Variants in MCU observed in about 807,000 individuals in gnomAD.
The protein encoded by MCU is mitochondrial calcium uniporter, also known as calcium uniporter protein, mitochondrial.
Under a neutral mutation model 45.2 loss-of-function variants are expected in MCU, and 12 were observed. The observed-to-expected ratio is 0.27, with a 90% CI of 0.17 to 0.43. The LOEUF (loss-of-function observed/expected upper bound fraction) is 0.43, where lower values mean the gene tolerates loss of function less well. Among genes scored for constraint, MCU ranks in the 20% least tolerant of loss-of-function variants. MCU has a pLI of 1.00. For missense variants in MCU, 324 were observed against 436.7 expected (o/e 0.74, Z 2.30); for synonymous variants, 160 against 165.1 (o/e 0.97, Z 0.24).
intron 1 of MCU, among the ~76,000 whole-genome samples, chr10:72,775,498 A>C (rs961351576): frequency 2.0e-5 from 3 of 152,132 alleles, no homozygotes; most frequent in Non-Finnish European, 4.4e-5. Context: ...AGACCAAACC[A>C]AACCCAAAAT....
chr10:72,717,770 G>T (rs1842972549), intron 1 of MCU, among the ~76,000 whole-genome samples: 1 of 152,194 alleles, frequency 6.6e-6, no homozygotes, highest in Non-Finnish European at 1.5e-5. Context: ...GTGGGTATGT[G>T]TGTCTAACAG....
intron 1 of MCU, among the ~76,000 whole-genome samples, chr10:72,821,805 GC>G (rs1297949028): frequency 2.0e-5 from 3 of 152,114 alleles, no homozygotes; most frequent in African/African-American, 7.2e-5. Context: ...CAGGGTTCTT[GC>G]TTTTTTCAAG....
rs972935652 is a variant in MCU, at chr10:72,693,162, ACT to A, written c.150+864_150+865del. On this transcript the variant is annotated intron_variant, in intron 1 of 7. Coordinates refer to ENST00000373053, the MANE Select transcript of MCU (RefSeq NM_138357.3). The stretch of plus-strand genomic sequence containing the variant: ...AGAAAAAGAGGATTTCTGTTTGAAC[ACT>A]CTTGGGTGAGTGTGTGTGTGTGTGT... 43 of 1,223,928 alleles carry A rather than the reference ACT, an allele frequency of 3.5e-5. No individual in the cohort carries two copies. In the African/African-American group the frequency reaches 6.1e-4, roughly 17 times the overall value. The allele number at this position is 1,223,928 out of a possible 1,614,324, so 75.8% of individuals were successfully genotyped here.
intron 1 of MCU, among the ~76,000 whole-genome samples, chr10:72,794,706 CCT>C (rs1379179252): frequency 6.6e-6 from 1 of 152,110 alleles, no homozygotes; most frequent in Non-Finnish European, 1.5e-5. Context: ...AAAAGATAAG[CCT>C]CTCTACCTTG....
intron 1 of MCU, among the ~76,000 whole-genome samples, chr10:72,732,500 T>A (rs890994729): frequency 2.6e-5 from 4 of 152,172 alleles, no homozygotes; most frequent in Non-Finnish European, 5.9e-5. Flanking sequence ...AAGACAGATA[T>A]GTGAAAGAAA....
intron 1 of MCU, among the ~76,000 whole-genome samples, chr10:72,705,408 G>T (rs932521806): frequency 6.6e-6 from 1 of 152,120 alleles, no homozygotes; most frequent in Admixed American, 6.6e-5. Context: ...TGGGTTGGGC[G>T]CTGTGGCTCA....
At chr10:72,873,761 A>G (rs1156343180) in intron 6 of MCU, among the ~76,000 whole-genome samples, 1 of 152,162 alleles carries the variant, frequency 6.6e-6, no homozygotes, top group Non-Finnish European at 1.5e-5. Context: ...TCTTTAATAC[A>G]TTTTGATTTG....
chr10:72,741,560 G>C (rs1230363002), intron 1 of MCU, among the ~76,000 whole-genome samples: 4 of 152,212 alleles, frequency 2.6e-5, no homozygotes, highest in Non-Finnish European at 4.4e-5. Flanking sequence ...CAGGTAAAGT[G>C]AGAGGCATCT....
chr10:72,838,540 AGG>A (rs1189602831), intron 2 of MCU, among the ~76,000 whole-genome samples: 1 of 152,056 alleles, frequency 6.6e-6, no homozygotes, highest in Non-Finnish European at 1.5e-5. Context: ...GAGCCCAAGG[AGG>A]TCAAGGCTGC....
chr10:72,783,118 T>C (rs1844020242), intron 1 of MCU, among the ~76,000 whole-genome samples: 1 of 152,220 alleles, frequency 6.6e-6, no homozygotes, highest in Non-Finnish European at 1.5e-5. Flanking sequence ...AAGTACTTCA[T>C]TGAATAGTTT....
chr10:72,776,304 A>G (rs1843893193), intron 1 of MCU, among the ~76,000 whole-genome samples: 1 of 152,236 alleles, frequency 6.6e-6, no homozygotes, highest in Non-Finnish European at 1.5e-5. Context: ...GCGAACATAG[A>G]TGCAGAAATC....
At chr10:72,851,110 G>T (rs1398138935) in intron 2 of MCU, among the ~76,000 whole-genome samples, 2 of 152,204 alleles carry the variant, frequency 1.3e-5, no homozygotes, top group Non-Finnish European at 2.9e-5. Flanking sequence ...TTCAAAAGCA[G>T]TATAATAAAG....
rs569647686 is a variant in MCU at position 72,881,032 on chromosome 10, A to C, written c.862-3234A>C. ...TAGGTACGAGCTACTCAGGAAGCCA[A>C]GGTAGGAGGATTGCTTGAGCCCAGG... On this transcript the variant is annotated intron_variant, in intron 6 of 7. Transcript: ENST00000373053. 8.5e-5 allele frequency among the ~76,000 whole-genome samples: 13 copies of C among 152,264 alleles called. No homozygotes were observed. In the South Asian group the frequency reaches 2.5e-3, roughly 29 times the overall value.
At chr10:72,770,244 CTT>C (rs1193893023) in intron 1 of MCU, among the ~76,000 whole-genome samples, 1 of 152,098 alleles carries the variant, frequency 6.6e-6, no homozygotes. Flanking sequence ...TTATACCTCT[CTT>C]TTCCCTCACT....
chr10:72,694,341 G>T (rs1483527867), intron 1 of MCU, among the ~76,000 whole-genome samples: 1 of 152,158 alleles, frequency 6.6e-6, no homozygotes, highest in Non-Finnish European at 1.5e-5. Context: ...AGAGAGACTT[G>T]GCCAAGGTTA....
At chr10:72,834,178 A>G (rs940639395) in intron 1 of MCU, among the ~76,000 whole-genome samples, 181 bp from the exon 2 acceptor site, 3 of 152,184 alleles carry the variant, frequency 2.0e-5, no homozygotes, top group African/African-American at 4.8e-5. Context: ...GTTCACCACT[A>G]TTATTTCAGG....
intron 1 of MCU, among the ~76,000 whole-genome samples, chr10:72,722,749 T>C (rs1843041646): frequency 6.6e-6 from 1 of 152,208 alleles, no homozygotes; most frequent in African/African-American, 2.4e-5. Context: ...AAAATCTGTT[T>C]CTTTTTTATG....
At chr10:72,884,413 A>G in intron 7 of MCU, 31 bp downstream of exon 7, 1 of 1,235,844 alleles carries the variant, frequency 8.1e-7, no homozygotes, top group East Asian at 2.3e-5. Context: ...AATAAATCCC[A>G]GCCCTATCTT....
In MCU at chr10:72,694,828, T is replaced by C. The variant is rs144288240; in HGVS notation, c.150+2527T>C. 3.2e-3 allele frequency among the ~76,000 whole-genome samples: 494 copies of C among 152,340 alleles called. 5 individuals are homozygous for C. Among genetic ancestry groups the C allele is most frequent in the African/African-American group, 0.011 (463 of 41,576 alleles). On this transcript the variant is annotated intron_variant, in intron 1 of 7. Transcript: ENST00000373053. ...ATTCATCTTTTCCAAGTTTCGAGAA[T>C]GAGTCCAAAGCAATACAGTAGCTCA...
Sources: gnomAD v4.1 joint callset for allele counts (sites outside exome capture counted in the v4.1 genomes callset) on GRCh38, gnomAD v4.1.1 for gene constraint, MANE v1.5 for transcripts, NCBI Gene and HGNC (gene_info 2026-07-23, HGNC 2026-07-21) for gene names.